ACOT7: variants seen among roughly 807,000 people sequenced by gnomAD.
The protein encoded by ACOT7 is acyl-CoA thioesterase 7, also known as cytosolic acyl coenzyme A thioester hydrolase.
Under a neutral mutation model 40.2 loss-of-function variants are expected in ACOT7, and 12 were observed. The ratio of observed to expected loss-of-function variants is 0.30; its 90% CI spans 0.19 to 0.48. The LOEUF (loss-of-function observed/expected upper bound fraction) is 0.48. Ranked by LOEUF, ACOT7 falls within the 20% of genes least tolerant of loss-of-function variation. ACOT7 has a pLI of 0.99. For synonymous variants in ACOT7, 228 were observed against 219.5 expected (o/e 1.04, Z -0.34); for missense variants, 395 against 530.8 (o/e 0.74, Z 2.51).
At chr1:6,372,551 T>C (rs1642150518) in intron 1 of ACOT7, among the ~76,000 whole-genome samples, 1 of 148,254 alleles carries the variant, frequency 6.7e-6, no homozygotes. Flanking sequence ...GTCTAACTTT[T>C]GGCTTTTTTT....
At chr1:6,340,261 C>T (rs960308757) in intron 2 of ACOT7, among the ~76,000 whole-genome samples, 1 of 152,156 alleles carries the variant, frequency 6.6e-6, no homozygotes, top group Non-Finnish European at 1.5e-5. Context: ...CCACCGCGCC[C>T]GGCCTAGCAC....
At chr1:6,320,503 C>A (rs1640615309) in intron 5 of ACOT7, among the ~76,000 whole-genome samples, 1 of 152,164 alleles carries the variant, frequency 6.6e-6, no homozygotes. Flanking sequence ...GATTCAGGCC[C>A]CTTTGGTCCC....
At chr1:6,312,687 C>G (rs1161251044) in intron 6 of ACOT7, among the ~76,000 whole-genome samples, 2 of 152,156 alleles carry the variant, frequency 1.3e-5, no homozygotes, top group African/African-American at 2.4e-5. Flanking sequence ...AGGCTGGTCT[C>G]AAACTCCTGA....
At chr1:6,319,418 C>T (rs1163645179) in intron 5 of ACOT7, among the ~76,000 whole-genome samples, 3 of 152,196 alleles carry the variant, frequency 2.0e-5, no homozygotes, top group African/African-American at 4.8e-5. Flanking sequence ...GTCTTGAACT[C>T]CTGACCTCAA....
intron 8 of ACOT7, among the ~76,000 whole-genome samples, chr1:6,269,902 C>T (rs922820928): frequency 1.3e-5 from 2 of 152,222 alleles, no homozygotes; most frequent in African/African-American, 4.8e-5. Flanking sequence ...GTGCGGGCGG[C>T]CTTCCTCCCT....
chr1:6,331,174 T>A (rs3789485), intron 4 of ACOT7, among the ~76,000 whole-genome samples: 1 of 151,826 alleles, frequency 6.6e-6, no homozygotes, highest in African/African-American at 2.4e-5. Context: ...ACGGGAGAGG[T>A]TGTTGAACCG....
rs1639981969 is a variant in ACOT7 at position 6,301,849 on chromosome 1, G to A, written c.713-6869C>T. 6.6e-6 allele frequency among the ~76,000 whole-genome samples: 1 copy of A among 152,218 alleles called. No individual in the cohort carries two copies. The highest frequency in any genetic ancestry group is 6.5e-5 in the Admixed American group (1 of 15,284). The stretch of plus-strand genomic sequence containing the variant: ...CACTCAAAATGATCTTGCTGTGTGA[G>A]CTGGACGGTGACATTTACAGGGACA... On this transcript the variant is annotated intron_variant, in intron 6 of 8. Coordinates refer to ENST00000361521, the MANE Select transcript of ACOT7 (RefSeq NM_007274.4). This position sits in a 1 kb window ranked among gnomAD's most constrained non-coding sequence, Gnocchi z 4.1.
chr1:6,391,263 CCGA>C (rs1425910079), intron 1 of ACOT7, among the ~76,000 whole-genome samples: 1 of 149,472 alleles, frequency 6.7e-6, no homozygotes, highest in Non-Finnish European at 1.5e-5. Flanking sequence ...CTTTGGGAGG[CCGA>C]GGAGGGCAGA....
intron 1 of ACOT7, among the ~76,000 whole-genome samples, chr1:6,363,276 C>T (rs563527188): frequency 2.0e-5 from 3 of 152,246 alleles, no homozygotes; most frequent in South Asian, 2.1e-4. Flanking sequence ...GGAAGACGCC[C>T]GTTGCCAGGC....
chr1:6,320,647 A>G (rs1332173703), intron 5 of ACOT7, among the ~76,000 whole-genome samples: 2 of 152,164 alleles, frequency 1.3e-5, no homozygotes, highest in Non-Finnish European at 2.9e-5. Flanking sequence ...CACTCTAGAC[A>G]TGGTATTTTC....
chr1:6,300,331 C>T (rs1279061114), intron 6 of ACOT7, among the ~76,000 whole-genome samples: 2 of 152,130 alleles, frequency 1.3e-5, no homozygotes, highest in Admixed American at 6.5e-5. Flanking sequence ...CTGGCATTGC[C>T]GGGGAAGCTG....
chr1:6,334,287 G>A (rs1221008193), intron 3 of ACOT7, among the ~76,000 whole-genome samples: 2 of 152,236 alleles, frequency 1.3e-5, no homozygotes, highest in Non-Finnish European at 2.9e-5. Flanking sequence ...CTGATGCTCA[G>A]ACACGCAACG....
chr1:6,333,068 T>C (rs1641005751), intron 4 of ACOT7, among the ~76,000 whole-genome samples: 1 of 152,202 alleles, frequency 6.6e-6, no homozygotes, highest in South Asian at 2.1e-4. Context: ...CTGGTGGTCC[T>C]GGCTCCCGAA....
At chr1:6,321,462 A>C (rs1388260590) in intron 5 of ACOT7, among the ~76,000 whole-genome samples, 1 of 152,030 alleles carries the variant, frequency 6.6e-6, no homozygotes, top group Non-Finnish European at 1.5e-5. Context: ...TCACTCTCTC[A>C]AGACACATGT....
At chr1:6,374,430 C>G (rs1642188894) in intron 1 of ACOT7, among the ~76,000 whole-genome samples, 1 of 152,246 alleles carries the variant, frequency 6.6e-6, no homozygotes, top group Non-Finnish European at 1.5e-5. Flanking sequence ...GAGTCTCACT[C>G]TCCAAATGTC....
chr1:6,277,341 C>G (rs564353633), intron 8 of ACOT7, among the ~76,000 whole-genome samples: 1 of 152,232 alleles, frequency 6.6e-6, no homozygotes, highest in Admixed American at 6.5e-5. Flanking sequence ...ACACCAACCA[C>G]GCCTGCAGCC....
At chr1:6,272,457 A>G (rs1488302322) in intron 8 of ACOT7, among the ~76,000 whole-genome samples, 1 of 152,166 alleles carries the variant, frequency 6.6e-6, no homozygotes, top group African/African-American at 2.4e-5. Context: ...AGTGTCCAGC[A>G]CACCTAGGCT....
intron 3 of ACOT7, among the ~76,000 whole-genome samples, chr1:6,334,281 T>G (rs1306952140): frequency 1.3e-5 from 2 of 152,234 alleles, no homozygotes; most frequent in African/African-American, 4.8e-5. Context: ...GACGTCCTGA[T>G]GCTCAGACAC....
intron 4 of ACOT7, among the ~76,000 whole-genome samples, chr1:6,332,446 G>A (rs1257949312): frequency 6.6e-6 from 1 of 152,254 alleles, no homozygotes; most frequent in African/African-American, 2.4e-5. Context: ...GAGTCTGTAT[G>A]TGTGGCTTCC....
Sources: allele counts gnomAD v4.1 joint callset (sites outside exome capture counted in the v4.1 genomes callset), GRCh38; gene constraint gnomAD v4.1.1; non-coding constraint Gnocchi (gnomAD v3.1); transcripts MANE v1.5; gene names NCBI Gene and HGNC (gene_info 2026-07-23, HGNC 2026-07-21).